The following PITPNM3 variants were observed in gnomAD, a reference collection of about 807,000 sequenced individuals.
PITPNM3 encodes the protein PITPNM family member 3.
PITPNM3 carries 26 observed loss-of-function variants against 102.0 expected under a neutral mutation model. That is an observed-to-expected ratio of 0.25 (90% CI 0.19 to 0.35). PITPNM3 has a LOEUF of 0.35. Among genes scored for constraint, PITPNM3 ranks in the 10% least tolerant of loss-of-function variants. The pLI is 1.00. For synonymous variants in PITPNM3, 578 were observed against 558.6 expected (o/e 1.03, Z -0.49); for missense variants, 1,083 against 1,346.1 (o/e 0.80, Z 3.06).
intron 1 of PITPNM3, 93 bp from the exon 2 acceptor site, chr17:6,538,175 A>C: frequency 1.1e-6 from 1 of 872,744 alleles, no homozygotes; most frequent in Non-Finnish European, 1.9e-6. Flanking sequence ...AAGGCCAGTT[A>C]GCATCCTGCA....
intron 14 of PITPNM3, among the ~76,000 whole-genome samples, chr17:6,466,245 C>T (rs762976731): frequency 2.6e-5 from 4 of 152,230 alleles, no homozygotes; most frequent in Non-Finnish European, 4.4e-5. Context: ...CTAGACTCAG[C>T]GCCATCATCG....
Position 6,556,499 on chromosome 17 carries a change from C to G in PITPNM3, c.-93G>C, listed in dbSNP as rs1349450364. 1 of 858,226 alleles carries G rather than the reference C, an allele frequency of 1.2e-6. No individual in the cohort carries two copies. The highest frequency in any genetic ancestry group is 6.1e-5 in the Admixed American group (1 of 16,318). The allele number at this position is 858,226 out of a possible 1,614,324, so 53.2% of individuals were successfully genotyped here. A position where few individuals can be genotyped will look rare whatever the true frequency, so the allele number is the denominator to read the frequency against. On this transcript the variant is annotated 5_prime_UTR_variant, in exon 1 of 20. Transcript: ENST00000262483. The surrounding 1 kb of genome is among the most constrained non-coding windows in gnomAD (Gnocchi z 5.2). ...CCTCCGGCCCCGAACGGACTCCGAG[C>G]GCCGCGCCCGCGCCCCCGCCCCGCT...
intron 3 of PITPNM3, among the ~76,000 whole-genome samples, chr17:6,509,771 G>C (rs573050179): frequency 2.6e-5 from 4 of 152,108 alleles, no homozygotes; most frequent in South Asian, 4.2e-4. Flanking sequence ...CTCATTCCCC[G>C]GCCCCTCCTG....
At chr17:6,527,552 G>C (rs190167317) in intron 2 of PITPNM3, among the ~76,000 whole-genome samples, 265 of 152,288 alleles carry the variant, frequency 1.7e-3, no homozygotes, top group Middle Eastern at 6.8e-3. Context: ...CACTCCTGCT[G>C]TTGTTGGCCC....
intron 2 of PITPNM3, among the ~76,000 whole-genome samples, chr17:6,534,385 CAGAG>C (rs1481081596): frequency 2.0e-5 from 3 of 152,180 alleles, no homozygotes. Context: ...CATACAGAAC[CAGAG>C]ACCCCCAGAA....
intron 3 of PITPNM3, among the ~76,000 whole-genome samples, chr17:6,524,971 C>T (rs1477175547): frequency 6.6e-6 from 1 of 152,196 alleles, no homozygotes; most frequent in African/African-American, 2.4e-5. Context: ...TCTCTCTCCC[C>T]TTAGACCTCA....
chr17:6,551,901 C>T (rs965470942), intron 1 of PITPNM3, among the ~76,000 whole-genome samples: 4 of 152,038 alleles, frequency 2.6e-5, no homozygotes, highest in African/African-American at 9.7e-5. Flanking sequence ...TCCAGGAGGA[C>T]CCCAAAGGAG....
chr17:6,541,787 C>T (rs1909745000), intron 1 of PITPNM3, among the ~76,000 whole-genome samples: 1 of 152,156 alleles, frequency 6.6e-6, no homozygotes, highest in Non-Finnish European at 1.5e-5. Context: ...CTACACTTCC[C>T]TGCATTTTCT....
At chr17:6,543,549 G>A (rs1909845466) in intron 1 of PITPNM3, among the ~76,000 whole-genome samples, 2 of 152,254 alleles carry the variant, frequency 1.3e-5, no homozygotes, top group East Asian at 1.9e-4. Flanking sequence ...GCAGAACAAA[G>A]GTATTGGCCG....
At chr17:6,550,697 A>G (rs957923809) in intron 1 of PITPNM3, among the ~76,000 whole-genome samples, 5 of 152,218 alleles carry the variant, frequency 3.3e-5, no homozygotes, top group African/African-American at 1.2e-4. Flanking sequence ...CTTCTGGCCA[A>G]TCTGACCCAG....
intron 3 of PITPNM3, among the ~76,000 whole-genome samples, chr17:6,509,930 C>T (rs1907774745): frequency 6.6e-6 from 1 of 152,178 alleles, no homozygotes; most frequent in Non-Finnish European, 1.5e-5. Context: ...TCCAGCTTTT[C>T]CACCCCTGCC....
chr17:6,478,193 A>G lies in PITPNM3; in HGVS notation c.778-96T>C. The G allele has an allele frequency of 6.3e-7, 1 of 1,579,318 alleles. No individual in the cohort carries two copies. The highest frequency in any genetic ancestry group is 8.6e-7 in the Non-Finnish European group (1 of 1,164,004). On this transcript the variant is annotated intron_variant, in intron 7 of 19. Transcript: ENST00000262483. The surrounding 1 kb of genome is among the most constrained non-coding windows in gnomAD (Gnocchi z 4.4). ...AGTGCTGCCTCCCCACAGGAGAATGAGAAACTCGTCCTTGGGAGGTGTTGA... is the reference window on the plus strand; with the variant it reads ...AGTGCTGCCTCCCCACAGGAGAATGGGAAACTCGTCCTTGGGAGGTGTTGA...
At chr17:6,461,592 C>T in intron 17 of PITPNM3, 36 bp from the exon 18 acceptor site, 1 of 1,606,168 alleles carries the variant, frequency 6.2e-7, no homozygotes, top group Admixed American at 1.7e-5. Context: ...CAGCCCTGCC[C>T]AGTGCAGGCC....
At position 6,537,139 on chromosome 17, in the gene PITPNM3, G is replaced by A. The variant is rs894601; in HGVS notation, c.118+848C>T. Among the ~76,000 whole-genome samples the A allele has an allele frequency of 0.14, 21,675 of 151,950 alleles. 1,871 individuals carry two copies. Among genetic ancestry groups the A allele is most frequent in the African/African-American group, 0.25 (10,186 of 41,390 alleles). On this transcript the variant is annotated intron_variant, in intron 2 of 19. Coordinates refer to ENST00000262483, the MANE Select transcript of PITPNM3 (RefSeq NM_031220.4). This position sits in a 1 kb window ranked among gnomAD's most constrained non-coding sequence, Gnocchi z 4.4. Reference sequence around the variant, plus strand: ...CCTTCCTATGTCTCATGGGTTGGCCGGGAAGAGATGCAGAGGTCATTTCCC... The same window carrying A: ...CCTTCCTATGTCTCATGGGTTGGCCAGGAAGAGATGCAGAGGTCATTTCCC...
chr17:6,533,921 G>A lies in PITPNM3; in HGVS notation c.118+4066C>T, dbSNP rs115274541. Among the ~76,000 whole-genome samples, 1,203 of 152,276 alleles carry A rather than the reference G, an allele frequency of 7.9e-3. 10 individuals carry two copies. Among genetic ancestry groups the A allele is most frequent in the African/African-American group, 0.027 (1,123 of 41,554 alleles). ...TGGACGGACGCACCATTAATACTGT[G>A]GACAGAGTAAATGAATGAGGCTGAA... On this transcript the variant is annotated intron_variant, in intron 2 of 19. Transcript: ENST00000262483.
chr17:6,480,181 A>G (rs1299643062), intron 6 of PITPNM3: 1 of 152,220 alleles, frequency 6.6e-6, no homozygotes, highest in Non-Finnish European at 1.5e-5. Context: ...AACAAGAATC[A>G]CACCAGGGAT....
At position 6,455,358 on chromosome 17, in the gene PITPNM3, TG is replaced by T. The variant is rs777783181; in HGVS notation, c.2904del (p.Lys969SerfsTer126). 4 of 1,582,456 alleles carry T rather than the reference TG, an allele frequency of 2.5e-6. No homozygotes were observed. The highest frequency in any genetic ancestry group is 2.6e-6 in the Non-Finnish European group (3 of 1,166,254). ...LPALSWARGP[P>X]KFESVP ...ACCCCTCAGGGCACCGACTCGAACT[TG>T]GGGGGCCCACGCGCCCAGCTGAGCG... On this transcript the variant is annotated frameshift_variant, in exon 20 of 20. Transcript: ENST00000262483. LOFTEE classifies it high-confidence loss of function.
intron 4 of PITPNM3, among the ~76,000 whole-genome samples, chr17:6,497,649 G>A (rs1488688192): frequency 6.6e-6 from 1 of 152,222 alleles, no homozygotes; most frequent in African/African-American, 2.4e-5. Context: ...GACCCTCCCC[G>A]CACGTGGGAC....
intron 15 of PITPNM3, 149 bp from the exon 16 acceptor site, chr17:6,464,467 T>C (rs1597362752): frequency 9.1e-7 from 1 of 1,096,844 alleles, no homozygotes; most frequent in Non-Finnish European, 1.3e-6. Flanking sequence ...CCTTGGATAC[T>C]CTGAGCCCAT....
Sources: gnomAD v4.1 joint callset for allele counts (sites outside exome capture counted in the v4.1 genomes callset) on GRCh38, gnomAD v4.1.1 for gene constraint, Gnocchi (gnomAD v3.1) non-coding constraint, MANE v1.5 for transcripts, NCBI Gene and HGNC (gene_info 2026-07-23, HGNC 2026-07-21) for gene names.